ITPK1: variants seen among roughly 807,000 people sequenced by gnomAD.
The protein encoded by ITPK1 is inositol 1,3,4-trisphosphate 5/6-kinase.
In ITPK1, 21 loss-of-function variants were observed where a neutral mutation model predicts 45.3. The observed-to-expected ratio is 0.46, with a 90% CI of 0.33 to 0.67. The LOEUF is 0.67. Ranked by LOEUF, ITPK1 falls within the 30% of genes least tolerant of loss-of-function variation. The pLI, the probability that ITPK1 is intolerant of heterozygous loss-of-function variation, is 0.02. For missense variants in ITPK1, 474 were observed against 573.5 expected, an observed-to-expected ratio of 0.83 and a Z score of 1.77; for synonymous variants, 258 against 253.6, an observed-to-expected ratio of 1.02 and a Z score of -0.16.
At chr14:92,941,936 G>C (rs199816288) in intron 10 of ITPK1, 32 bp from the exon 11 acceptor site, 11 of 1,591,606 alleles carry the variant, frequency 6.9e-6, no homozygotes, top group Non-Finnish European at 9.4e-6. Flanking sequence ...CACAAGGGGC[G>C]TGAGCCAGGG....
intron 9 of ITPK1, 91 bp from the exon 10 acceptor site, chr14:92,946,584 G>A: frequency 7.9e-7 from 1 of 1,269,996 alleles, no homozygotes; most frequent in East Asian, 2.4e-5. Context: ...CTGCCACGAG[G>A]CCCTGGCATG....
Position 93,034,281 on chromosome 14 carries a change from CCT to C in ITPK1, c.121-17482_121-17481del, listed in dbSNP as rs112478759. ...ACCCACCCCCAACACTCCCCCACCC[CCT>C]GTCGGAGCAGGAAGATGCTCTGGAA... is the stretch of plus-strand genomic sequence containing the variant. On this transcript the variant is annotated intron_variant, in intron 3 of 10. Transcript: ENST00000267615. This position sits in a 1 kb window ranked among gnomAD's most constrained non-coding sequence, Gnocchi z 4.1. 2.6e-5 allele frequency among the ~76,000 whole-genome samples: 4 copies of C among 151,792 alleles called. 1 individual carries two copies. Among genetic ancestry groups the C allele is most frequent in the African/African-American group, 9.7e-5 (4 of 41,398 alleles).
rs368574852 is a variant in ITPK1 at position 92,941,539 on chromosome 14, C to T, written c.*22G>A. ...GGTGTGCTCTGCGCCCTGCGCTGCCCCTCTGGGTCCCGGCTCCGTGGCTAC... is the reference window on the plus strand; with the variant it reads ...GGTGTGCTCTGCGCCCTGCGCTGCCTCTCTGGGTCCCGGCTCCGTGGCTAC... On this transcript the variant is annotated 3_prime_UTR_variant, in exon 11 of 11. Coordinates refer to ENST00000267615, the MANE Select transcript of ITPK1 (RefSeq NM_014216.6). 864 of 1,517,100 alleles carry T rather than the reference C, an allele frequency of 5.7e-4. 7 individuals are homozygous for T. The South Asian group carries it at 8.5e-3, about 15-fold the overall frequency. 94.0% of individuals were successfully genotyped at this position (1,517,100 alleles called of 1,614,324 possible).
In ITPK1 at chr14:93,109,696, G is replaced by A. The variant is rs1307726836; in HGVS notation, c.95+5373C>T. Among the ~76,000 whole-genome samples the A allele has an allele frequency of 2.0e-5, 3 of 152,186 alleles. No homozygotes were observed. In the East Asian group the frequency reaches 5.8e-4, roughly 29 times the overall value. On this transcript the variant is annotated intron_variant, in intron 2 of 10. Coordinates refer to ENST00000267615, the MANE Select transcript of ITPK1 (RefSeq NM_014216.6). ...GCTGTAATATTCAGATGGGCCATGT[G>A]CTGAAGGAGAACAGAACCCCGCTGT...
intron 9 of ITPK1, 74 bp from the exon 10 acceptor site, chr14:92,946,567 A>C: frequency 1.4e-6 from 2 of 1,420,754 alleles, no homozygotes; most frequent in Non-Finnish European, 2.0e-6. Context: ...CAGACCCCCC[A>C]CACCAGCTGC....
intron 2 of ITPK1, among the ~76,000 whole-genome samples, chr14:93,084,886 T>C (rs900498894): frequency 3.3e-5 from 5 of 152,048 alleles, no homozygotes; most frequent in Admixed American, 1.3e-4. Flanking sequence ...CTCAAGTGCC[T>C]TCCTCATCAA....
chr14:93,036,423 T>C lies in ITPK1; in HGVS notation c.121-19622A>G, dbSNP rs548260819. On this transcript the variant is annotated intron_variant, in intron 3 of 10. Transcript: ENST00000267615. The surrounding 1 kb of genome is among the most constrained non-coding windows in gnomAD (Gnocchi z 4.1). ...AGAACAAATGTGACAGGCTCCTCAGTATTCACGGCTGCTTTCCCGCACGTC... is the reference window on the plus strand; with the variant it reads ...AGAACAAATGTGACAGGCTCCTCAGCATTCACGGCTGCTTTCCCGCACGTC... Among the ~76,000 whole-genome samples the C allele has an allele frequency of 3.9e-5, 6 of 152,314 alleles. No homozygotes were observed. Among genetic ancestry groups the C allele is most frequent in the African/African-American group, 1.4e-4 (6 of 41,562 alleles).
intron 2 of ITPK1, among the ~76,000 whole-genome samples, chr14:93,094,229 G>A (rs951989983): frequency 6.6e-6 from 1 of 152,244 alleles, no homozygotes; most frequent in Admixed American, 6.5e-5. Flanking sequence ...GGGGATTGGA[G>A]GACAGACACT....
At position 92,941,533 on chromosome 14, in the gene ITPK1, G is replaced by A. The variant is rs780805256; in HGVS notation, c.*28C>T. 2.0e-4 allele frequency: 306 copies of A among 1,511,728 alleles called. 1 individual carries two copies. The highest frequency in any genetic ancestry group is 1.1e-4 in the Non-Finnish European group (127 of 1,137,300). 93.6% of individuals were successfully genotyped at this position (1,511,728 alleles called of 1,614,324 possible). On this transcript the variant is annotated 3_prime_UTR_variant, in exon 11 of 11. Transcript: ENST00000267615. ...CCAGCGGGTGTGCTCTGCGCCCTGC[G>A]CTGCCCCTCTGGGTCCCGGCTCCGT...
Position 93,028,629 on chromosome 14 carries a change from T to C in ITPK1, c.121-11828A>G, listed in dbSNP as rs549150725. Reference sequence around the variant, plus strand: ...TCAGCATTCCACGAGACAGTGTTGGTGAAGCCTTAGCACCAAGCCTGGCCC... The same window carrying C: ...TCAGCATTCCACGAGACAGTGTTGGCGAAGCCTTAGCACCAAGCCTGGCCC... On this transcript the variant is annotated intron_variant, in intron 3 of 10. Transcript: ENST00000267615. 3.9e-5 allele frequency among the ~76,000 whole-genome samples: 6 copies of C among 152,196 alleles called. No individual in the cohort carries two copies. In the South Asian group the frequency reaches 1.2e-3, roughly 32 times the overall value.
chr14:93,053,660 AGG>A (rs1239492085), intron 3 of ITPK1, among the ~76,000 whole-genome samples: 3 of 152,194 alleles, frequency 2.0e-5, no homozygotes, highest in Non-Finnish European at 4.4e-5. Flanking sequence ...TGATGCACCC[AGG>A]GAGGTTCACT....
intron 2 of ITPK1, among the ~76,000 whole-genome samples, chr14:93,112,744 A>G: frequency 6.6e-6 from 1 of 152,172 alleles, no homozygotes; most frequent in East Asian, 1.9e-4. Context: ...GGCCCAAAGC[A>G]GGGCCATTTT....
intron 2 of ITPK1, among the ~76,000 whole-genome samples, chr14:93,105,181 G>A (rs1004358045): frequency 6.6e-6 from 1 of 152,084 alleles, no homozygotes; most frequent in African/African-American, 2.4e-5. Context: ...TCAGGTGAAC[G>A]GTGCCAGACT....
intron 3 of ITPK1, among the ~76,000 whole-genome samples, chr14:93,029,768 C>A (rs906044559): frequency 5.9e-5 from 9 of 152,216 alleles, no homozygotes; most frequent in African/African-American, 1.9e-4. Context: ...AGGCCCCTTC[C>A]TCTACAGCCA....
intron 2 of ITPK1, among the ~76,000 whole-genome samples, chr14:93,099,168 G>C (rs1279569822): frequency 6.6e-6 from 1 of 152,174 alleles, no homozygotes; most frequent in Non-Finnish European, 1.5e-5. Context: ...CAGCTGTGGG[G>C]GGCCAGGGTC....
intron 3 of ITPK1, among the ~76,000 whole-genome samples, chr14:93,019,852 C>T (rs879092399): frequency 3.3e-5 from 5 of 152,200 alleles, no homozygotes; most frequent in Admixed American, 6.5e-5. Flanking sequence ...CTCCCAGATG[C>T]GATGGGGACA....
Position 93,012,877 on chromosome 14 carries a change from C to G in ITPK1, c.246+3799G>C, listed in dbSNP as rs987766773. ...GCAGCCCCACATGGCCCATGGATCA[C>G]AATCACAGCACCCCTTCAGGGGCAA... On this transcript the variant is annotated intron_variant, in intron 4 of 10. Transcript: ENST00000267615. This position sits in a 1 kb window ranked among gnomAD's most constrained non-coding sequence, Gnocchi z 4.9. 2.6e-5 allele frequency among the ~76,000 whole-genome samples: 4 copies of G among 152,244 alleles called. No individual in the cohort carries two copies. Among genetic ancestry groups the G allele is most frequent in the African/African-American group, 9.6e-5 (4 of 41,464 alleles).
chr14:93,102,427 CCTTTT>C (rs1892357587), intron 2 of ITPK1, among the ~76,000 whole-genome samples: 1 of 152,384 alleles, frequency 6.6e-6, no homozygotes, highest in East Asian at 1.9e-4. Flanking sequence ...GGCCATAATT[CCTTTT>C]CTTTTCAAGG....
chr14:92,984,997 C>A (rs774400727), intron 5 of ITPK1, among the ~76,000 whole-genome samples: 1 of 152,212 alleles, frequency 6.6e-6, no homozygotes, highest in Admixed American at 6.5e-5. Flanking sequence ...AACCAAATAA[C>A]TGCTGCTGAG....
Sources: allele counts gnomAD v4.1 joint callset (sites outside exome capture counted in the v4.1 genomes callset), GRCh38; gene constraint gnomAD v4.1.1; non-coding constraint Gnocchi (gnomAD v3.1); transcripts MANE v1.5; gene names NCBI Gene and HGNC (gene_info 2026-07-23, HGNC 2026-07-21).